RAB3GAP1: variants seen among roughly 807,000 people sequenced by gnomAD.
RAB3GAP1 encodes the protein rab3 GTPase-activating protein catalytic subunit.
Under a neutral mutation model 130.7 loss-of-function variants are expected in RAB3GAP1, and 86 were observed. The ratio of observed to expected loss-of-function variants is 0.66; its 90% confidence interval spans 0.55 to 0.79. The LOEUF (loss-of-function observed/expected upper bound fraction) is 0.79. Ranked by LOEUF, RAB3GAP1 falls within the 30% of genes least tolerant of loss-of-function variation. RAB3GAP1 has a pLI of 0.00. For missense variants in RAB3GAP1, 1,029 were observed against 1,169.4 expected (o/e 0.88, Z 1.75); for synonymous variants, 367 against 401.7 (o/e 0.91, Z 1.03).
At chr2:135,147,836 A>G (rs891936549) in intron 17 of RAB3GAP1, among the ~76,000 whole-genome samples, 1 of 152,178 alleles carries the variant, frequency 6.6e-6, no homozygotes, top group Non-Finnish European at 1.5e-5. Context: ...TGGAGTCCCT[A>G]TTTTTAATAA....
At position 135,150,353 on chromosome 2, in the gene RAB3GAP1, C is replaced by G. The variant is rs749330659; in HGVS notation, c.1924-16C>G. ...AAAAGGGCTGTTTATGAGCCTTGTC[C>G]TTTTGTGCTTCACAGGAACCAGCAC... On this transcript the variant is annotated splice_polypyrimidine_tract_variant and intron_variant, in intron 17 of 23. Coordinates refer to ENST00000264158, the MANE Select transcript of RAB3GAP1 (RefSeq NM_012233.3). 4.6e-5 allele frequency: 75 copies of G among 1,613,828 alleles called. No individual in the cohort carries two copies. The highest frequency in any genetic ancestry group is 6.3e-5 in the Non-Finnish European group (74 of 1,179,966).
chr2:135,113,371 G>T, intron 6 of RAB3GAP1, 101 bp downstream of exon 6: 2 of 1,446,742 alleles, frequency 1.4e-6, no homozygotes, highest in South Asian at 2.3e-5. Context: ...CTGTAATTAG[G>T]AACTTAGTGC....
At chr2:135,066,274 A>G (rs1387930115) in intron 3 of RAB3GAP1, among the ~76,000 whole-genome samples, 1 of 152,164 alleles carries the variant, frequency 6.6e-6, no homozygotes, top group African/African-American at 2.4e-5. Context: ...AGGAAAGTTT[A>G]TCTGACAAAG....
At chr2:135,053,963 A>G (rs910547180) in intron 2 of RAB3GAP1, among the ~76,000 whole-genome samples, 2 of 152,186 alleles carry the variant, frequency 1.3e-5, no homozygotes, top group African/African-American at 4.8e-5. Flanking sequence ...TGACATGGGT[A>G]GAGACATAGG....
At chr2:135,095,442 G>A (rs565523509) in intron 5 of RAB3GAP1, among the ~76,000 whole-genome samples, 1 of 152,322 alleles carries the variant, frequency 6.6e-6, no homozygotes, top group East Asian at 1.9e-4. Context: ...CTTAACTGTA[G>A]TCTCATGACA....
intron 19 of RAB3GAP1, among the ~76,000 whole-genome samples, chr2:135,161,812 T>A (rs1018351023): frequency 2.6e-5 from 4 of 152,104 alleles, no homozygotes; most frequent in Non-Finnish European, 4.4e-5. Context: ...ATACAAGTAG[T>A]TTGAGAGGAT....
downstream of RAB3GAP1, among the ~76,000 whole-genome samples, chr2:135,173,189 C>T (rs1378064519): frequency 6.6e-6 from 1 of 151,898 alleles, no homozygotes; most frequent in African/African-American, 2.4e-5. Flanking sequence ...TAACTAATAC[C>T]CAAGCGGTTG....
chr2:135,089,883 C>T, intron 3 of RAB3GAP1: 1 of 377,774 alleles, frequency 2.6e-6, no homozygotes, highest in Non-Finnish European at 5.3e-6. Flanking sequence ...GTGAGTTGAA[C>T]AGTGAGAACA....
chr2:135,125,982 T>TATA (rs1352698313), intron 9 of RAB3GAP1, among the ~76,000 whole-genome samples, 199 bp from the exon 10 acceptor site: 6 of 152,316 alleles, frequency 3.9e-5, no homozygotes, highest in Middle Eastern at 3.4e-3. Context: ...GGCTATTATG[T>TATA]ATAATGAGAT....
At chr2:135,105,521 C>T (rs1182350272) in intron 5 of RAB3GAP1, among the ~76,000 whole-genome samples, 3 of 152,132 alleles carry the variant, frequency 2.0e-5, no homozygotes, top group Admixed American at 1.3e-4. Context: ...GACGGAGTCT[C>T]GTTCACTCAG....
At position 135,093,666 on chromosome 2, in the gene RAB3GAP1, CTCCAAGAGCACAT is replaced by C; in HGVS notation, c.337_349del (p.Pro113AlafsTer3). On this transcript the variant is annotated frameshift_variant, in exon 5 of 24. Transcript: ENST00000264158. LOFTEE classifies it high-confidence loss of function. ...TTGCTGGGTATGAATAATGACTTTC[CTCCAAGAGCACAT>C]TGCCTGGTAAGATGGTAGGTATATC... The C allele has an allele frequency of 1.2e-6, 2 of 1,613,250 alleles. No individual in the cohort carries two copies. Among genetic ancestry groups the C allele is most frequent in the Non-Finnish European group, 1.7e-6 (2 of 1,179,200 alleles).
intron 3 of RAB3GAP1, among the ~76,000 whole-genome samples, chr2:135,064,449 G>T (rs1245794044): frequency 6.6e-6 from 1 of 151,696 alleles, no homozygotes; most frequent in African/African-American, 2.4e-5. Flanking sequence ...TTCTTCTTTT[G>T]TTTCCAACTT....
intron 3 of RAB3GAP1, among the ~76,000 whole-genome samples, chr2:135,078,436 G>A (rs1008524652): frequency 2.0e-4 from 30 of 151,866 alleles, no homozygotes; most frequent in Non-Finnish European, 2.1e-4. Flanking sequence ...TTTGCTATTG[G>A]ATAGCCAGCT....
chr2:135,142,955 C>T (rs1343324179), intron 17 of RAB3GAP1, among the ~76,000 whole-genome samples: 3 of 150,058 alleles, frequency 2.0e-5, no homozygotes, highest in Non-Finnish European at 4.4e-5. Flanking sequence ...TTGTCCTTGT[C>T]AGGGAAGTGT....
intron 15 of RAB3GAP1, among the ~76,000 whole-genome samples, chr2:135,134,330 A>G (rs984786781): frequency 3.3e-5 from 5 of 152,230 alleles, no homozygotes; most frequent in Non-Finnish European, 7.3e-5. Context: ...ACAGATGTTC[A>G]TATTGTTTCT....
At chr2:135,072,900 G>A (rs576059648) in intron 3 of RAB3GAP1, among the ~76,000 whole-genome samples, 7 of 152,342 alleles carry the variant, frequency 4.6e-5, no homozygotes, top group South Asian at 2.1e-4. Context: ...ACATACTGTA[G>A]AAGTTATCCC....
At chr2:135,161,654 A>G (rs1283888997) in intron 19 of RAB3GAP1, among the ~76,000 whole-genome samples, 1 of 152,154 alleles carries the variant, frequency 6.6e-6, no homozygotes, top group Non-Finnish European at 1.5e-5. Context: ...TCTTAATTTA[A>G]AAAAAGTTTC....
chr2:135,093,574 C>A, intron 4 of RAB3GAP1, 41 bp from the exon 5 acceptor site: 1 of 1,457,830 alleles, frequency 6.9e-7, no homozygotes, highest in Non-Finnish European at 9.6e-7. Context: ...TCTGCCTGAT[C>A]ATGAACATAC....
At chr2:135,126,470 G>A in intron 10 of RAB3GAP1, 113 bp from the exon 11 acceptor site, 1 of 1,095,196 alleles carries the variant, frequency 9.1e-7, no homozygotes, top group South Asian at 1.3e-5. Flanking sequence ...GTTTAAGGGA[G>A]GCTAAATGGA....
Sources: allele counts gnomAD v4.1 joint callset (sites outside exome capture counted in the v4.1 genomes callset), GRCh38; gene constraint gnomAD v4.1.1; transcripts MANE v1.5; gene names NCBI Gene and HGNC (gene_info 2026-07-23, HGNC 2026-07-21).